FAT3: variants seen among roughly 807,000 people sequenced by gnomAD.
The protein encoded by FAT3 is protocadherin Fat 3.
FAT3 carries 95 observed loss-of-function variants against 310.2 expected under a neutral mutation model. That is an observed-to-expected ratio of 0.31 (90% CI 0.26 to 0.36). The LOEUF (loss-of-function observed/expected upper bound fraction) is 0.36, where lower values mean the gene tolerates loss of function less well. FAT3 is among the 10% of genes least tolerant of loss of function. The probability of loss-of-function intolerance (pLI) is 1.00; values close to 1 mark genes in which losing one functional copy is unlikely to be tolerated. For synonymous variants in FAT3, 2,314 were observed against 2,192.9 expected (o/e 1.06, Z -1.54); for missense variants, 5,408 against 5,715.6 (o/e 0.95, Z 1.74).
At chr11:92,615,715 T>A (rs1223600918) in intron 3 of FAT3, among the ~76,000 whole-genome samples, 1 of 152,216 alleles carries the variant, frequency 6.6e-6, no homozygotes, top group Non-Finnish European at 1.5e-5. Context: ...TCTTTATTTC[T>A]GCCTTCATTT....
chr11:92,595,996 A>G (rs1473802774), intron 3 of FAT3, among the ~76,000 whole-genome samples: 1 of 152,174 alleles, frequency 6.6e-6, no homozygotes, highest in Non-Finnish European at 1.5e-5. Flanking sequence ...GGCTCGTACA[A>G]GTTTGGAGGG....
rs540677489 is a variant in FAT3, at chr11:92,228,328, A to G, written c.-18+3154A>G. Among the ~76,000 whole-genome samples, 37 of 152,266 alleles carry G rather than the reference A, an allele frequency of 2.4e-4. 1 individual carries two copies. Among genetic ancestry groups the G allele is most frequent in the Non-Finnish European group, 4.1e-4 (28 of 68,016 alleles). On this transcript the variant is annotated intron_variant, in intron 1 of 27. Transcript: ENST00000525166. The stretch of plus-strand genomic sequence containing the variant: ...GAGTCATTTTGGGGATTTTTTTAAT[A>G]GGACCCAGTCTGTCTGTTAACTAGC...
At chr11:92,598,715 C>T (rs1452324965) in intron 3 of FAT3, among the ~76,000 whole-genome samples, 1 of 152,148 alleles carries the variant, frequency 6.6e-6, no homozygotes, top group Non-Finnish European at 1.5e-5. Context: ...GTGTAATTGG[C>T]AAGTTGGACT....
At chr11:92,518,517 G>C (rs550260742) in intron 2 of FAT3, among the ~76,000 whole-genome samples, 3 of 152,032 alleles carry the variant, frequency 2.0e-5, no homozygotes, top group African/African-American at 7.2e-5. Flanking sequence ...GTCAAGGAGT[G>C]GGGGGCTAGG....
chr11:92,582,358 T>G lies in FAT3; in HGVS notation c.3607+57410T>G, dbSNP rs558505539. ...CAGCTCCTATTCAAGATGGAGTTGCTCTGGTTCACGTGCCTCTGACACTGC... is the reference window on the plus strand; with the variant it reads ...CAGCTCCTATTCAAGATGGAGTTGCGCTGGTTCACGTGCCTCTGACACTGC... On this transcript the variant is annotated intron_variant, in intron 3 of 27. Coordinates refer to ENST00000525166, the MANE Select transcript of FAT3 (RefSeq NM_001367949.2). Among the ~76,000 whole-genome samples the G allele has an allele frequency of 3.9e-3, 587 of 152,144 alleles. 1 individual carries two copies. The highest frequency in any genetic ancestry group is 5.2e-3 in the Non-Finnish European group (356 of 67,934).
chr11:92,351,282 G>A (rs1290080809), intron 1 of FAT3, among the ~76,000 whole-genome samples: 7 of 151,982 alleles, frequency 4.6e-5, no homozygotes, highest in Non-Finnish European at 1.0e-4. Context: ...CATAAACCTT[G>A]ATCAGTTTAA....
chr11:92,888,748 A>G (rs1401670165), intron 25 of FAT3, among the ~76,000 whole-genome samples: 1 of 152,192 alleles, frequency 6.6e-6, no homozygotes, highest in African/African-American at 2.4e-5. Flanking sequence ...GTTATCCTCT[A>G]TCACTGGCAT....
intron 3 of FAT3, among the ~76,000 whole-genome samples, chr11:92,562,698 CTCTGTT>C (rs1390319946): frequency 4.6e-5 from 7 of 152,144 alleles, no homozygotes; most frequent in Admixed American, 6.6e-5. Flanking sequence ...GCATAAGGGA[CTCTGTT>C]ATAATTCCTG....
rs991136345 is a variant in FAT3 at position 92,540,345 on chromosome 11, C to T, written c.3607+15397C>T. ...AGCCAAGCTTTACTGCATTTATTTC[C>T]GGGATCAGAGGCTCCTCTCCTGGAT... is the stretch of plus-strand genomic sequence containing the variant. On this transcript the variant is annotated intron_variant, in intron 3 of 27. Transcript: ENST00000525166. 7.2e-5 allele frequency among the ~76,000 whole-genome samples: 11 copies of T among 152,242 alleles called. No individual in the cohort carries two copies. In the East Asian group the frequency reaches 1.2e-3, roughly 16 times the overall value.
At chr11:92,257,096 C>G (rs1865349652) in intron 1 of FAT3, among the ~76,000 whole-genome samples, 1 of 152,062 alleles carries the variant, frequency 6.6e-6, no homozygotes, top group Admixed American at 6.6e-5. Flanking sequence ...ACTCTTGTCC[C>G]TACCTCAGAG....
chr11:92,855,979 G>GC (rs1374601523), intron 19 of FAT3, among the ~76,000 whole-genome samples: 1 of 100,052 alleles, frequency 1.0e-5, no homozygotes, highest in Non-Finnish European at 2.0e-5. Context: ...GGGACAATAT[G>GC]CTTTTTTTTT....
At chr11:92,815,872 C>G (rs1947813212) in intron 13 of FAT3, among the ~76,000 whole-genome samples, 1 of 152,142 alleles carries the variant, frequency 6.6e-6, no homozygotes, top group South Asian at 2.1e-4. Flanking sequence ...GACAGTCTTG[C>G]CTTCAAGGGG....
intron 1 of FAT3, among the ~76,000 whole-genome samples, chr11:92,234,598 G>A (rs1055766143): frequency 5.9e-5 from 9 of 151,804 alleles, no homozygotes; most frequent in African/African-American, 1.2e-4. Flanking sequence ...GTGAAACTCC[G>A]TCTCTACTAA....
At position 92,762,987 on chromosome 11, in the gene FAT3, G is replaced by C. The variant is rs191081565; in HGVS notation, c.3984+817G>C. On this transcript the variant is annotated intron_variant, in intron 5 of 27. Transcript: ENST00000525166. ...AGCCTGGCCAACATGGTAAAACCCCGTCTCTACCAAAAATATAAAAAATTA... is the reference window on the plus strand; with the variant it reads ...AGCCTGGCCAACATGGTAAAACCCCCTCTCTACCAAAAATATAAAAAATTA... Among the ~76,000 whole-genome samples, 749 of 151,998 alleles carry C rather than the reference G, an allele frequency of 4.9e-3. 5 individuals carry two copies. The highest frequency in any genetic ancestry group is 0.017 in the African/African-American group (710 of 41,450).
At chr11:92,502,194 T>A (rs1408318982) in intron 2 of FAT3, among the ~76,000 whole-genome samples, 1 of 152,004 alleles carries the variant, frequency 6.6e-6, no homozygotes, top group African/African-American at 2.4e-5. Context: ...ACCATAGAAA[T>A]CAGTGTGGAG....
intron 5 of FAT3, 67 bp from the exon 6 acceptor site, chr11:92,764,812 G>C: frequency 6.8e-7 from 1 of 1,461,958 alleles, no homozygotes; most frequent in Non-Finnish European, 9.3e-7. Context: ...CAACATGAGT[G>C]ACAGATCCAA....
intron 2 of FAT3, chr11:92,366,464 G>C (rs1949025561): frequency 2.0e-5 from 8 of 398,052 alleles, no homozygotes; most frequent in South Asian, 1.5e-4. Flanking sequence ...CAGGGAGGGT[G>C]CTCCTGGGGA....
chr11:92,845,426 C>T (rs1478867566), intron 19 of FAT3, among the ~76,000 whole-genome samples: 5 of 152,086 alleles, frequency 3.3e-5, no homozygotes, highest in Admixed American at 1.3e-4. Context: ...AAGGGCAGTT[C>T]GATTTGCTTC....
At chr11:92,361,419 G>C (rs1948879418) in intron 2 of FAT3, among the ~76,000 whole-genome samples, 1 of 147,932 alleles carries the variant, frequency 6.8e-6, no homozygotes, top group Non-Finnish European at 1.5e-5. Context: ...ATAGTGTTAA[G>C]AGGTGGGGCT....
Sources: allele counts gnomAD v4.1 joint callset (sites outside exome capture counted in the v4.1 genomes callset), GRCh38; gene constraint gnomAD v4.1.1; transcripts MANE v1.5; gene names NCBI Gene and HGNC (gene_info 2026-07-23, HGNC 2026-07-21).